PLAG1: variants seen among roughly 807,000 people sequenced by gnomAD.
PLAG1 encodes PLAG1 zinc finger.
A neutral mutation model predicts 35.5 loss-of-function variants in PLAG1; 7 were observed. The observed-to-expected ratio is 0.20, with a 90% confidence interval of 0.11 to 0.37. PLAG1 has a LOEUF of 0.37. Among genes scored for constraint, PLAG1 ranks in the 10% least tolerant of loss-of-function variants. The pLI is 1.00. For missense variants in PLAG1, 454 were observed against 602.8 expected (o/e 0.75, Z 2.58); for synonymous variants, 229 against 225.4 (o/e 1.02, Z -0.14).
At chr8:56,190,318 A>G (rs1812146120) in intron 1 of PLAG1, among the ~76,000 whole-genome samples, 1 of 152,116 alleles carries the variant, frequency 6.6e-6, no homozygotes, top group Non-Finnish European at 1.5e-5. Flanking sequence ...GAATGGACAG[A>G]GTGGGGAAGC....
intron 2 of PLAG1, among the ~76,000 whole-genome samples, chr8:56,178,497 A>T (rs1438443755): frequency 1.3e-5 from 2 of 152,216 alleles, no homozygotes; most frequent in Non-Finnish European, 2.9e-5. Flanking sequence ...TAAAATTTTA[A>T]TGCTAACGGT....
chr8:56,191,808 G>GA (rs111540638), intron 1 of PLAG1, among the ~76,000 whole-genome samples: 1,906 of 110,602 alleles, frequency 0.017, 13 homozygotes, highest in Middle Eastern at 0.056. Context: ...TAAAACACAG[G>GA]AAAAAAAAAA....
At chr8:56,196,808 T>C (rs1032605327) in intron 1 of PLAG1, among the ~76,000 whole-genome samples, 2 of 152,110 alleles carry the variant, frequency 1.3e-5, no homozygotes, top group African/African-American at 4.8e-5. Flanking sequence ...TCCTCCTCTA[T>C]GCATGTGTCT....
At chr8:56,182,144 C>G (rs1413931397) in intron 1 of PLAG1, among the ~76,000 whole-genome samples, 1 of 152,312 alleles carries the variant, frequency 6.6e-6, no homozygotes. Context: ...GCACTGAGAA[C>G]AGCAAATGCT....
At chr8:56,204,349 G>T (rs1263517106) in intron 1 of PLAG1, among the ~76,000 whole-genome samples, 1 of 151,778 alleles carries the variant, frequency 6.6e-6, no homozygotes, top group Non-Finnish European at 1.5e-5. Flanking sequence ...AAATCTGGTA[G>T]ACTAAAATCC....
In PLAG1 at chr8:56,177,392, T is replaced by C. The variant is rs551936586; in HGVS notation, c.-217+2017A>G. 5.3e-4 allele frequency among the ~76,000 whole-genome samples: 80 copies of C among 152,242 alleles called. No homozygotes were observed. In the South Asian group the frequency reaches 0.016, roughly 30 times the overall value. On this transcript the variant is annotated intron_variant, in intron 2 of 4. Transcript: ENST00000316981. ...CTAGGCAAAACCATCATGTCAAGGG[T>C]AGCCGCTCTCTCCTCTGCCTCCAGA...
At chr8:56,202,043 T>C (rs754983551) in intron 1 of PLAG1, among the ~76,000 whole-genome samples, 1 of 151,990 alleles carries the variant, frequency 6.6e-6, no homozygotes, top group African/African-American at 2.4e-5. Flanking sequence ...ATCTCATCTT[T>C]AAAGGATCAG....
At chr8:56,187,875 C>G (rs1812068312) in intron 1 of PLAG1, among the ~76,000 whole-genome samples, 1 of 152,018 alleles carries the variant, frequency 6.6e-6, no homozygotes, top group Non-Finnish European at 1.5e-5. Context: ...ATACATAAAC[C>G]CAAATCACAG....
rs1480016922 is a variant in PLAG1 at position 56,164,822 on chromosome 8, G to C, written c.*1421C>G. The C allele has an allele frequency of 9.5e-6, 2 of 211,138 alleles. No individual in the cohort carries two copies. The highest frequency in any genetic ancestry group is 4.5e-5 in the African/African-American group (2 of 44,094). The allele number at this position is 211,138 out of a possible 1,614,324, so 13.1% of individuals were successfully genotyped here. A position where few individuals can be genotyped will look rare whatever the true frequency, so the allele number is the denominator to read the frequency against. ...TGTTATTTTCATGTTAACCAAGATAGGTTTGTTTTACTTTACTTTGTTACC... is the reference window on the plus strand; with the variant it reads ...TGTTATTTTCATGTTAACCAAGATACGTTTGTTTTACTTTACTTTGTTACC... On this transcript the variant is annotated 3_prime_UTR_variant, in exon 5 of 5. Coordinates refer to ENST00000316981, the MANE Select transcript of PLAG1 (RefSeq NM_002655.3).
chr8:56,172,522 A>C (rs750053784), intron 2 of PLAG1, among the ~76,000 whole-genome samples: 4 of 152,176 alleles, frequency 2.6e-5, no homozygotes, highest in African/African-American at 7.2e-5. Context: ...ATGAAAGACC[A>C]TTTTGTGTAT....
intron 1 of PLAG1, among the ~76,000 whole-genome samples, chr8:56,187,228 G>T (rs1408269983): frequency 6.6e-6 from 1 of 152,168 alleles, no homozygotes; most frequent in African/African-American, 2.4e-5. Flanking sequence ...GCGATACACA[G>T]ATGTGTTACA....
At chr8:56,206,387 T>C (rs1554539714) in intron 1 of PLAG1, among the ~76,000 whole-genome samples, 1 of 151,892 alleles carries the variant, frequency 6.6e-6, no homozygotes, top group Non-Finnish European at 1.5e-5. Flanking sequence ...CTAAAAATCT[T>C]AATTTAATTT....
At chr8:56,180,369 C>T (rs1375966557) in intron 1 of PLAG1, among the ~76,000 whole-genome samples, 9 of 152,190 alleles carry the variant, frequency 5.9e-5, no homozygotes, top group African/African-American at 2.2e-4. Flanking sequence ...GTCTGAGTTA[C>T]TGTGGGTATA....
At chr8:56,201,066 C>T (rs1459244277) in intron 1 of PLAG1, among the ~76,000 whole-genome samples, 1 of 152,132 alleles carries the variant, frequency 6.6e-6, no homozygotes, top group African/African-American at 2.4e-5. Flanking sequence ...CCAAATCCCC[C>T]AAACCCATGG....
rs919258145 is a variant in PLAG1, at chr8:56,211,109, C to G, written c.-322+12G>C. The stretch of plus-strand genomic sequence containing the variant: ...ACGCCTCGCCGCCGCCCCGGACCCC[C>G]GGAGAACTCACCGCGGGGCTTTAAC... On this transcript the variant is annotated intron_variant, in intron 1 of 4. Transcript: ENST00000316981. 6 of 153,064 alleles carry G rather than the reference C, an allele frequency of 3.9e-5. No individual in the cohort carries two copies. The highest frequency in any genetic ancestry group is 1.5e-4 in the African/African-American group (6 of 41,272). 9.5% of individuals were successfully genotyped at this position (153,064 alleles called of 1,614,324 possible). A position where few individuals can be genotyped will look rare whatever the true frequency, so the allele number is the denominator to read the frequency against.
chr8:56,196,929 C>T (rs183513899), intron 1 of PLAG1, among the ~76,000 whole-genome samples: 205 of 150,530 alleles, frequency 1.4e-3, no homozygotes, highest in African/African-American at 4.9e-3. Context: ...GGGGTGCAGG[C>T]ACCCTCTCCC....
chr8:56,204,576 G>A (rs1278686496), intron 1 of PLAG1, among the ~76,000 whole-genome samples: 1 of 151,840 alleles, frequency 6.6e-6, no homozygotes, highest in Non-Finnish European at 1.5e-5. Context: ...CTCCAAAAAT[G>A]TATTTTAAAG....
At chr8:56,201,915 T>C (rs1812564689) in intron 1 of PLAG1, among the ~76,000 whole-genome samples, 1 of 151,922 alleles carries the variant, frequency 6.6e-6, no homozygotes, top group African/African-American at 2.4e-5. Context: ...ACCAATCAAG[T>C]TGAGTTTCTT....
Position 56,185,944 on chromosome 8 carries a change from C to A in PLAG1, c.-321-6431G>T, listed in dbSNP as rs1331886612. 5.3e-5 allele frequency among the ~76,000 whole-genome samples: 8 copies of A among 152,138 alleles called. No homozygotes were observed. In the East Asian group the frequency reaches 1.5e-3, roughly 29 times the overall value. Reference sequence around the variant, plus strand: ...TTGATAGGCTTGCCTTTGATTAATTCAATAAAACAAATGAAGTAACACAGA... The same window carrying A: ...TTGATAGGCTTGCCTTTGATTAATTAAATAAAACAAATGAAGTAACACAGA... On this transcript the variant is annotated intron_variant, in intron 1 of 4. Coordinates refer to ENST00000316981, the MANE Select transcript of PLAG1 (RefSeq NM_002655.3).
Sources: allele counts gnomAD v4.1 joint callset (sites outside exome capture counted in the v4.1 genomes callset), GRCh38; gene constraint gnomAD v4.1.1; transcripts MANE v1.5; gene names NCBI Gene and HGNC (gene_info 2026-07-23, HGNC 2026-07-21).